Variants in KSR2 observed in about 807,000 individuals in gnomAD.
KSR2 encodes the protein kinase suppressor of ras 2.
A neutral mutation model predicts 107.8 loss-of-function variants in KSR2; 25 were observed. The ratio of observed to expected loss-of-function variants is 0.23; its 90% CI spans 0.17 to 0.32. The LOEUF is 0.32. KSR2 is among the 10% of genes least tolerant of loss of function. The pLI is 1.00. For missense variants in KSR2, 887 were observed against 1,268.9 expected, an observed-to-expected ratio of 0.70 and a Z score of 4.57; for synonymous variants, 480 against 507.0, an observed-to-expected ratio of 0.95 and a Z score of 0.71.
At chr12:117,616,349 T>C (rs4766863) in intron 5 of KSR2, among the ~76,000 whole-genome samples, 105,508 of 151,924 alleles carry the variant, frequency 0.69, 37,703 homozygotes, top group South Asian at 0.89. Context: ...TTGCGTTTTC[T>C]CCATTCACAT....
chr12:117,611,542 A>G (rs1416141578), intron 5 of KSR2, among the ~76,000 whole-genome samples: 2 of 151,826 alleles, frequency 1.3e-5, no homozygotes, highest in Non-Finnish European at 2.9e-5. Context: ...TGTTTACATT[A>G]TAGAAAGCTT....
At chr12:117,873,680 C>T (rs531734750) in intron 1 of KSR2, among the ~76,000 whole-genome samples, 18 of 152,190 alleles carry the variant, frequency 1.2e-4, no homozygotes, top group African/African-American at 3.9e-4. Context: ...AGACTGGTCT[C>T]GAACTCCTGA....
At chr12:117,834,445 C>T (rs1280257143) in intron 3 of KSR2, among the ~76,000 whole-genome samples, 3 of 94,694 alleles carry the variant, frequency 3.2e-5, no homozygotes, top group Non-Finnish European at 5.9e-5. Context: ...GGGTGGGGGG[C>T]GGGGTAGGGA....
intron 7 of KSR2, among the ~76,000 whole-genome samples, chr12:117,559,050 G>A (rs1324993574): frequency 6.6e-6 from 1 of 150,952 alleles, no homozygotes. Context: ...AAGGATGGAT[G>A]GATGGATGGA....
At chr12:117,723,113 G>A (rs1887278298) in intron 4 of KSR2, among the ~76,000 whole-genome samples, 1 of 152,090 alleles carries the variant, frequency 6.6e-6, no homozygotes. Context: ...CCTGAAGGCA[G>A]GCCAGAGGAA....
At chr12:117,558,838 G>A in intron 7 of KSR2, among the ~76,000 whole-genome samples, 1 of 151,540 alleles carries the variant, frequency 6.6e-6, no homozygotes, top group South Asian at 2.1e-4. Flanking sequence ...AGATTGATAG[G>A]TGGCTGGACA....
intron 5 of KSR2, among the ~76,000 whole-genome samples, chr12:117,606,304 T>G (rs559165123): frequency 5.5e-4 from 71 of 129,748 alleles, no homozygotes; most frequent in Non-Finnish European, 8.7e-4. Flanking sequence ...TTCCCTTTCT[T>G]CTTCCTTCCT....
rs1042599228 is a variant in KSR2 at position 117,460,875 on chromosome 12, G to A, written c.*6324C>T. 6.6e-6 allele frequency: 1 copy of A among 152,252 alleles called. No individual in the cohort carries two copies. The highest frequency in any genetic ancestry group is 2.4e-5 in the African/African-American group (1 of 41,442). The allele number at this position is 152,252 out of a possible 1,614,324, so 9.4% of individuals were successfully genotyped here. A position where few individuals can be genotyped will look rare whatever the true frequency, so the allele number is the denominator to read the frequency against. On this transcript the variant is annotated 3_prime_UTR_variant, in exon 20 of 20. Transcript: ENST00000339824. ...CATAGGAATTCCAGCCTGGCACGTAGTAAGTGCTCTGTGAATGAGGGCTGT... is the reference window on the plus strand; with the variant it reads ...CATAGGAATTCCAGCCTGGCACGTAATAAGTGCTCTGTGAATGAGGGCTGT...
At chr12:117,741,997 T>G (rs1441081511) in intron 4 of KSR2, among the ~76,000 whole-genome samples, 1 of 152,212 alleles carries the variant, frequency 6.6e-6, no homozygotes, top group Non-Finnish European at 1.5e-5. Flanking sequence ...GACAACACTT[T>G]CACCAAATGA....
intron 4 of KSR2, among the ~76,000 whole-genome samples, chr12:117,744,296 C>T (rs1449736455): frequency 2.0e-5 from 3 of 152,178 alleles, no homozygotes; most frequent in Non-Finnish European, 2.9e-5. Flanking sequence ...CATGGAGTAA[C>T]AGGCCCACCC....
intron 15 of KSR2, 63 bp downstream of exon 15, chr12:117,485,532 G>C: frequency 2.3e-6 from 3 of 1,279,286 alleles, no homozygotes; most frequent in South Asian, 2.4e-5. Context: ...GGGTAGGGGG[G>C]CTTCCCTGGG....
In KSR2 at chr12:117,555,313, G is replaced by T; in HGVS notation, c.1394-20C>A. On this transcript the variant is annotated intron_variant, in intron 8 of 19. Coordinates refer to ENST00000339824, the MANE Select transcript of KSR2 (RefSeq NM_173598.6). ...CTGGATCCGTAGGGGTAAAAACATT[G>T]ATTTGGGAGTTTAAGTATCACTTTG... 15 of 1,613,186 alleles carry T rather than the reference G, an allele frequency of 9.3e-6. No individual in the cohort carries two copies. Among genetic ancestry groups the T allele is most frequent in the Non-Finnish European group, 1.3e-5 (15 of 1,179,472 alleles).
At chr12:117,702,128 C>A (rs1040991095) in intron 4 of KSR2, among the ~76,000 whole-genome samples, 1 of 152,174 alleles carries the variant, frequency 6.6e-6, no homozygotes, top group African/African-American at 2.4e-5. Context: ...TGCTGTTGCC[C>A]TTGTCTGCTC....
rs180874292 is a variant in KSR2, at chr12:117,876,528, T to C, written c.181-16097A>G. ...CTTTTCTCTACGTTATTACTGCTGA[T>C]GGATATTACAAACAATAGAAAAAAG... On this transcript the variant is annotated intron_variant, in intron 1 of 19. Transcript: ENST00000339824. Among the ~76,000 whole-genome samples the C allele has an allele frequency of 4.2e-3, 633 of 152,292 alleles. 8 individuals carry two copies. The highest frequency in any genetic ancestry group is 4.3e-3 in the Non-Finnish European group (294 of 68,032).
intron 4 of KSR2, among the ~76,000 whole-genome samples, chr12:117,692,735 G>A (rs79845230): frequency 0.039 from 5,982 of 151,854 alleles, 163 homozygotes; most frequent in East Asian, 0.14. Context: ...AAAAGAACAC[G>A]ATTTGAGACA....
At chr12:117,510,556 C>A (rs1156579956) in intron 14 of KSR2, among the ~76,000 whole-genome samples, 2 of 152,164 alleles carry the variant, frequency 1.3e-5, no homozygotes, top group Non-Finnish European at 2.9e-5. Context: ...TCCATTGAGT[C>A]CCTGTGATAC....
intron 14 of KSR2, among the ~76,000 whole-genome samples, chr12:117,489,330 A>C (rs1093306): frequency 0.21 from 32,512 of 152,032 alleles, 3,910 homozygotes; most frequent in East Asian, 0.31. Flanking sequence ...CTTCCAAAAA[A>C]TGTTTTAAAA....
chr12:117,815,930 G>A (rs991779918), intron 3 of KSR2, among the ~76,000 whole-genome samples: 1 of 150,754 alleles, frequency 6.6e-6, no homozygotes, highest in African/African-American at 2.4e-5. Context: ...AGCCAAGATG[G>A]TGCCACTTCA....
intron 1 of KSR2, among the ~76,000 whole-genome samples, chr12:117,940,921 A>G (rs913505062): frequency 6.6e-6 from 1 of 151,884 alleles, no homozygotes. Context: ...TCCCATCTCT[A>G]CTAAAAATAC....
Sources: gnomAD v4.1 joint callset for allele counts (sites outside exome capture counted in the v4.1 genomes callset) on GRCh38, gnomAD v4.1.1 for gene constraint, MANE v1.5 for transcripts, NCBI Gene and HGNC (gene_info 2026-07-23, HGNC 2026-07-21) for gene names.